STK3: variants seen among roughly 807,000 people sequenced by gnomAD.
STK3 encodes the protein serine/threonine-protein kinase 3.
Under a neutral mutation model 58.0 loss-of-function variants are expected in STK3, and 41 were observed. The observed-to-expected ratio is 0.71, with a 90% CI of 0.55 to 0.92. STK3 has a LOEUF of 0.92. STK3 is among the 40% of genes least tolerant of loss of function. The pLI is 0.00. For synonymous variants in STK3, 170 were observed against 191.0 expected (o/e 0.89, Z 0.91); for missense variants, 479 against 602.7 (o/e 0.79, Z 2.15).
intron 2 of STK3, among the ~76,000 whole-genome samples, chr8:98,770,432 G>A (rs991745912): frequency 1.3e-5 from 2 of 152,212 alleles, no homozygotes; most frequent in Non-Finnish European, 2.9e-5. Context: ...AGGAAGAAAT[G>A]TACTGATATG....
At chr8:98,415,573 T>A (rs1818106725) in intron 3 of STK3, among the ~76,000 whole-genome samples, 2 of 152,188 alleles carry the variant, frequency 1.3e-5, no homozygotes, top group Admixed American at 1.3e-4. Context: ...CAACCACAAT[T>A]CTTTGAGAAA....
chr8:98,613,070 T>C (rs546074301), intron 6 of STK3, among the ~76,000 whole-genome samples: 2 of 151,984 alleles, frequency 1.3e-5, no homozygotes, highest in East Asian at 1.9e-4. Context: ...ACCAATACAA[T>C]AGAGACTACA....
chr8:98,362,468 G>A, the STK3 span, among the ~76,000 whole-genome samples: 2 of 152,128 alleles, frequency 1.3e-5, no homozygotes, highest in South Asian at 2.1e-4. Context: ...ATTGGTCAAA[G>A]CTACCCTCCC....
chr8:98,384,439 G>A (rs1006608861), intron 1 of STK3, among the ~76,000 whole-genome samples: 21 of 152,076 alleles, frequency 1.4e-4, no homozygotes, highest in African/African-American at 5.1e-4. Context: ...TCTGCGTTTT[G>A]TTCAATTATT....
intron 4 of STK3, among the ~76,000 whole-genome samples, chr8:98,732,249 A>G (rs1040456185): frequency 2.6e-5 from 4 of 152,164 alleles, no homozygotes; most frequent in Non-Finnish European, 1.5e-5. Flanking sequence ...AAGACAGACA[A>G]TTGTTTATAT....
At chr8:98,506,504 G>T (rs895133431) in intron 10 of STK3, among the ~76,000 whole-genome samples, 1 of 152,118 alleles carries the variant, frequency 6.6e-6, no homozygotes, top group South Asian at 2.1e-4. Flanking sequence ...GCTGCAGACC[G>T]GAGCTGTTCC....
chr8:98,545,441 A>G (rs1258041208), intron 9 of STK3, among the ~76,000 whole-genome samples: 5 of 152,214 alleles, frequency 3.3e-5, no homozygotes, highest in African/African-American at 1.2e-4. Flanking sequence ...TTCTTGGGAC[A>G]TGCCCATAGG....
chr8:98,700,310 G>T (rs1825451322), intron 6 of STK3, among the ~76,000 whole-genome samples: 1 of 152,224 alleles, frequency 6.6e-6, no homozygotes, highest in African/African-American at 2.4e-5. Context: ...CTGACCCTTT[G>T]CACTTCCCGA....
At chr8:98,649,250 T>C (rs1820675653) in intron 6 of STK3, among the ~76,000 whole-genome samples, 1 of 152,166 alleles carries the variant, frequency 6.6e-6, no homozygotes, top group African/African-American at 2.4e-5. Flanking sequence ...ATCAACCATT[T>C]ATCTGTAATT....
rs575796115 is a variant in STK3, at chr8:98,615,004, G to A, written c.685-18835C>T. On this transcript the variant is annotated intron_variant, in intron 6 of 10. Coordinates refer to ENST00000419617, the MANE Select transcript of STK3 (RefSeq NM_006281.4). ...TGCCTCTGTAAGCTCCACGTCTAGGGGCAGGGCACAGACAAACAAAAAGAC... is the reference window on the plus strand; with the variant it reads ...TGCCTCTGTAAGCTCCACGTCTAGGAGCAGGGCACAGACAAACAAAAAGAC... 4.6e-5 allele frequency among the ~76,000 whole-genome samples: 7 copies of A among 152,280 alleles called. No individual in the cohort carries two copies. The East Asian group carries it at 1.4e-3, about 29-fold the overall frequency.
At position 98,774,802 on chromosome 8, in the gene STK3, C is replaced by T; in HGVS notation, c.44G>A (p.Ser15Asn). 6.4e-7 allele frequency: 1 copy of T among 1,568,150 alleles called. No homozygotes were observed. The highest frequency in any genetic ancestry group is 8.6e-7 in the Non-Finnish European group (1 of 1,160,304). Residue 15 changes from serine (S) to asparagine (N), a missense_variant, in exon 2 of 11, where the codon AGT becomes AAT. Coordinates refer to ENST00000419617, the MANE Select transcript of STK3 (RefSeq NM_006281.4). ...AGGCTGCTTAGTCAAACTGTCTTCA[C>T]TCAGCTTTTTTAGTTTACTGATTTA... ...PAPKSKLKKL[S>N]EDSLTKQPEE... is the part of the protein sequence containing the mutation.
At chr8:98,773,875 C>A (rs1022859819) in intron 2 of STK3, among the ~76,000 whole-genome samples, 1 of 152,054 alleles carries the variant, frequency 6.6e-6, no homozygotes, top group Admixed American at 6.5e-5. Flanking sequence ...CAGCTCACCA[C>A]AACCTTCACC....
intron 8 of STK3, among the ~76,000 whole-genome samples, chr8:98,555,114 A>G (rs1308888356): frequency 6.6e-6 from 1 of 152,150 alleles, no homozygotes; most frequent in Non-Finnish European, 1.5e-5. Flanking sequence ...TATGAATCAT[A>G]AAATCCACAT....
downstream of STK3, among the ~76,000 whole-genome samples, chr8:98,369,817 G>A (rs962765413): frequency 6.6e-6 from 1 of 152,172 alleles, no homozygotes; most frequent in Non-Finnish European, 1.5e-5. Context: ...TATTAAAAAG[G>A]TTTATTGCTC....
At chr8:98,807,740 T>G (rs562419617) in intron 1 of STK3, among the ~76,000 whole-genome samples, 1 of 152,244 alleles carries the variant, frequency 6.6e-6, no homozygotes, top group East Asian at 1.9e-4. Context: ...AAATGCAAAG[T>G]CACTGTCAAT....
chr8:98,886,106 G>A (rs1232918468), intron 1 of STK3, among the ~76,000 whole-genome samples: 2 of 152,148 alleles, frequency 1.3e-5, no homozygotes, highest in Non-Finnish European at 2.9e-5. Context: ...AATCTTTATG[G>A]TAGAACAGTC....
chr8:98,382,615 G>C (rs976181547), intron 1 of STK3, among the ~76,000 whole-genome samples: 7 of 152,078 alleles, frequency 4.6e-5, no homozygotes, highest in Non-Finnish European at 1.0e-4. Flanking sequence ...ACCTGCCCGG[G>C]CTGCTCCATG....
intron 3 of STK3, among the ~76,000 whole-genome samples, chr8:98,843,877 C>A (rs1294335870): frequency 6.6e-6 from 1 of 152,108 alleles, no homozygotes; most frequent in Admixed American, 6.5e-5. Flanking sequence ...ATTTGCCGGG[C>A]GTGATGGTGC....
rs1169510270 is a variant in STK3 at position 98,893,417 on chromosome 8, GGAAGGAAAGAAA to G, written c.-78-9595_-78-9584del. ...GAGAAAGAAAGAAAGAAGGAAGGAA[GGAAGGAAAGAAA>G]GAAAGAAAGAAAGAAAGAAAGAAAG... is the stretch of plus-strand genomic sequence containing the variant. On this transcript the variant is annotated intron_variant, in intron 1 of 1. Coordinates refer to the STK3 transcript ENST00000519420. 6.0e-3 allele frequency among the ~76,000 whole-genome samples: 507 copies of G among 83,924 alleles called. 9 individuals are homozygous for G. The highest frequency in any genetic ancestry group is 0.013 in the East Asian group (39 of 2,914). The allele number at this position is 83,924 out of a possible 152,430, so 55.1% of individuals were successfully genotyped here. A position where few individuals can be genotyped will look rare whatever the true frequency, so the allele number is the denominator to read the frequency against.
Sources: allele counts gnomAD v4.1 joint callset (sites outside exome capture counted in the v4.1 genomes callset), GRCh38; gene constraint gnomAD v4.1.1; transcripts MANE v1.5; gene names NCBI Gene and HGNC (gene_info 2026-07-23, HGNC 2026-07-21).